The following TOX2 variants were observed in gnomAD, a reference collection of about 807,000 sequenced individuals.
The protein encoded by TOX2 is granulosa cell HMG box 1.
TOX2 carries 15 observed loss-of-function variants against 47.4 expected under a neutral mutation model. The ratio of observed to expected loss-of-function variants is 0.32; its 90% CI spans 0.21 to 0.49. TOX2 has a LOEUF of 0.49. Among genes scored for constraint, TOX2 ranks in the 20% least tolerant of loss-of-function variants. The pLI is 0.99. For missense variants in TOX2, 622 were observed against 673.1 expected (o/e 0.92, Z 0.84); for synonymous variants, 290 against 296.6 (o/e 0.98, Z 0.23).
chr20:43,977,860 T>G (rs1048921373), intron 2 of TOX2, among the ~76,000 whole-genome samples: 39 of 152,134 alleles, frequency 2.6e-4, no homozygotes, highest in Non-Finnish European at 3.2e-4. Flanking sequence ...GAAATGGATA[T>G]TTCCTGATGA....
At position 44,051,491 on chromosome 20, in the gene TOX2, G is replaced by C. The variant is rs75170680; in HGVS notation, c.597G>C (p.Ala199=). Residue 199 remains alanine (A), a synonymous_variant, in exon 4 of 9, where the codon GCG becomes GCC. Transcript: ENST00000341197. ...SSPSPPGSKS[A]TPSPSSSTQE... Reference sequence around the variant, plus strand: ...CATCACCGCCGGGGAGCAAGTCAGCGACCCCCTCTCCCTCCAGCTCCACTC... The same window carrying C: ...CATCACCGCCGGGGAGCAAGTCAGCCACCCCCTCTCCCTCCAGCTCCACTC... The C allele has an allele frequency of 6.2e-7, 1 of 1,612,572 alleles. No homozygotes were observed. The highest frequency in any genetic ancestry group is 8.5e-7 in the Non-Finnish European group (1 of 1,179,190).
intron 1 of TOX2, chr20:43,945,894 TC>T (rs1443270250): frequency 1.2e-6 from 2 of 1,610,326 alleles, no homozygotes; most frequent in African/African-American, 2.7e-5. Flanking sequence ...TGGCATTTTT[TC>T]CTCTTTCTCT....
At chr20:43,941,108 A>C (rs1209567488) in intron 1 of TOX2, among the ~76,000 whole-genome samples, 1 of 152,100 alleles carries the variant, frequency 6.6e-6, no homozygotes, top group Admixed American at 6.5e-5. Flanking sequence ...GTTTAAAATT[A>C]GTCAGTTACT....
intron 2 of TOX2, among the ~76,000 whole-genome samples, chr20:43,998,255 C>A (rs769687989): frequency 3.9e-4 from 59 of 152,186 alleles, no homozygotes; most frequent in Non-Finnish European, 8.1e-4. Flanking sequence ...CCACCAGGCC[C>A]CTGCCTGAAC....
rs1278029160 is a variant in TOX2, at chr20:44,064,970, G to A, written c.960+113G>A. 3 of 934,190 alleles carry A rather than the reference G, an allele frequency of 3.2e-6. No homozygotes were observed. The African/African-American group carries it at 4.9e-5, about 15-fold the overall frequency. The allele number at this position is 934,190 out of a possible 1,614,324, so 57.9% of individuals were successfully genotyped here. On this transcript the variant is annotated intron_variant, in intron 6 of 8. Transcript: ENST00000341197. ...GGCACCCCAGGTCTTAGAAAGAATG[G>A]CTCAGACCTACATGGTCATGTCTGC...
intron 5 of TOX2, among the ~76,000 whole-genome samples, chr20:44,064,439 A>G (rs1242785192): frequency 6.6e-6 from 1 of 152,272 alleles, no homozygotes; most frequent in African/African-American, 2.4e-5. Flanking sequence ...GTGGTTCGGC[A>G]TTAAGAAATC....
Position 44,065,437 on chromosome 20 carries a change from G to T in TOX2, c.961-275G>T, listed in dbSNP as rs73908521. Among the ~76,000 whole-genome samples the T allele has an allele frequency of 9.9e-3, 1,501 of 152,338 alleles. 17 individuals carry two copies. Among genetic ancestry groups the T allele is most frequent in the African/African-American group, 0.029 (1,226 of 41,570 alleles). On this transcript the variant is annotated intron_variant, in intron 6 of 8. Coordinates refer to ENST00000341197, the MANE Select transcript of TOX2 (RefSeq NM_001098797.2). Reference sequence around the variant, plus strand: ...GTTGGAAGGAGCATGATTAGAGCTGGCTCAGTGGGATGGTGCTTGTCTCAC... The same window carrying T: ...GTTGGAAGGAGCATGATTAGAGCTGTCTCAGTGGGATGGTGCTTGTCTCAC...
At chr20:44,006,931 G>A in intron 3 of TOX2, 139 bp downstream of exon 3, 6 of 1,303,140 alleles carry the variant, frequency 4.6e-6, no homozygotes, top group Non-Finnish European at 6.1e-6. Flanking sequence ...GCTTGGAGTT[G>A]GTAATCCCAT....
intron 3 of TOX2, among the ~76,000 whole-genome samples, chr20:44,031,327 C>T (rs1250896332): frequency 1.3e-5 from 2 of 152,212 alleles, no homozygotes; most frequent in Non-Finnish European, 2.9e-5. Context: ...CAGGACTCCT[C>T]TGCAATGCCA....
rs1460073454 is a variant in TOX2, at chr20:43,915,760, A to G, written c.99+770A>G. Reference sequence around the variant, plus strand: ...CTCGGATTCCGAGTAGGCTGCGGCCAATCGAGGCCTGTGTCCTCCCGGGAG... The same window carrying G: ...CTCGGATTCCGAGTAGGCTGCGGCCGATCGAGGCCTGTGTCCTCCCGGGAG... On this transcript the variant is annotated intron_variant, in intron 1 of 8. Coordinates refer to ENST00000341197, the MANE Select transcript of TOX2 (RefSeq NM_001098797.2). The surrounding 1 kb of genome is among the most constrained non-coding windows in gnomAD (Gnocchi z 7.1). Among the ~76,000 whole-genome samples, 1 of 152,244 alleles carries G rather than the reference A, an allele frequency of 6.6e-6. No homozygotes were observed. Among genetic ancestry groups the G allele is most frequent in the Non-Finnish European group, 1.5e-5 (1 of 68,038 alleles).
intron 3 of TOX2, among the ~76,000 whole-genome samples, chr20:44,050,656 T>C (rs1277346274): frequency 1.3e-5 from 2 of 152,186 alleles, no homozygotes; most frequent in East Asian, 1.9e-4. Context: ...AATAACAAAA[T>C]TGCTGACCTG....
intron 1 of TOX2, among the ~76,000 whole-genome samples, chr20:43,950,493 A>G (rs908290429): frequency 1.4e-5 from 2 of 144,772 alleles, no homozygotes; most frequent in African/African-American, 2.6e-5. Context: ...CCCCCTCCCC[A>G]CTGCTTGCTC....
At position 43,916,079 on chromosome 20, in the gene TOX2, C is replaced by T. The variant is rs1388146124; in HGVS notation, c.99+1089C>T. On this transcript the variant is annotated intron_variant, in intron 1 of 8. Coordinates refer to ENST00000341197, the MANE Select transcript of TOX2 (RefSeq NM_001098797.2). This position sits in a 1 kb window ranked among gnomAD's most constrained non-coding sequence, Gnocchi z 5.0. ...GAAGCCAGACTGTCCGCGCGTCCGC[C>T]AGTCGGTGCGTCGGTCCCGGGCCGG... is the stretch of plus-strand genomic sequence containing the variant. 2.1e-6 allele frequency: 2 copies of T among 973,468 alleles called. No individual in the cohort carries two copies. Among genetic ancestry groups the T allele is most frequent in the Non-Finnish European group, 2.4e-6 (2 of 819,092 alleles). 60.3% of individuals were successfully genotyped at this position (973,468 alleles called of 1,614,324 possible).
intron 1 of TOX2, among the ~76,000 whole-genome samples, chr20:43,962,584 C>T (rs1349192838): frequency 1.3e-5 from 2 of 152,230 alleles, no homozygotes; most frequent in Admixed American, 6.5e-5. Flanking sequence ...CCAGAGCGTA[C>T]ATAGTTAAGG....
chr20:43,995,615 C>A (rs1484863726), intron 2 of TOX2, among the ~76,000 whole-genome samples: 1 of 152,124 alleles, frequency 6.6e-6, no homozygotes. Context: ...TTTTGTCACC[C>A]AGGTATTCAG....
At chr20:43,973,182 C>T (rs1175998108) in intron 1 of TOX2, among the ~76,000 whole-genome samples, 185 bp from the exon 2 acceptor site, 1 of 152,220 alleles carries the variant, frequency 6.6e-6, no homozygotes, top group East Asian at 1.9e-4. Context: ...GGAACAGGGG[C>T]TGCTCCTTCC....
chr20:44,027,148 G>A (rs184664731), intron 3 of TOX2, among the ~76,000 whole-genome samples: 1 of 152,206 alleles, frequency 6.6e-6, no homozygotes, highest in Non-Finnish European at 1.5e-5. Context: ...AATGAGGGTG[G>A]CCAAAGAGAT....
chr20:43,957,532 A>T (rs888955878), intron 1 of TOX2, among the ~76,000 whole-genome samples: 3 of 151,280 alleles, frequency 2.0e-5, no homozygotes, highest in Non-Finnish European at 2.9e-5. Context: ...TGTGCAAAGC[A>T]CATCACATGT....
intron 8 of TOX2, among the ~76,000 whole-genome samples, 172 bp downstream of exon 8, chr20:44,067,029 G>A (rs574689621): frequency 2.0e-5 from 3 of 152,320 alleles, no homozygotes; most frequent in African/African-American, 4.8e-5. Flanking sequence ...GCCAGGCCCC[G>A]GAAGGACTCT....
Sources: allele counts gnomAD v4.1 joint callset (sites outside exome capture counted in the v4.1 genomes callset), GRCh38; gene constraint gnomAD v4.1.1; non-coding constraint Gnocchi (gnomAD v3.1); transcripts MANE v1.5; gene names NCBI Gene and HGNC (gene_info 2026-07-23, HGNC 2026-07-21).